LRAT: variants seen among roughly 807,000 people sequenced by gnomAD.
LRAT encodes the protein lecithin retinol acyltransferase.
LRAT carries 11 observed loss-of-function variants against 14.2 expected under a neutral mutation model. That is an observed-to-expected ratio of 0.78 (90% CI 0.49 to 1.29). The LOEUF (loss-of-function observed/expected upper bound fraction) is 1.29. Among genes scored for constraint, LRAT ranks in the 50% most tolerant of loss-of-function variants. The pLI is 0.00. For synonymous variants in LRAT, 144 were observed against 124.8 expected (o/e 1.15, Z -1.03); for missense variants, 274 against 292.4 (o/e 0.94, Z 0.46).
rs770007716 is a variant in LRAT at position 154,744,775 on chromosome 4, G to T, written c.449G>T (p.Gly150Val). The T allele has an allele frequency of 1.2e-6, 2 of 1,614,104 alleles. No individual in the cohort carries two copies. The highest frequency in any genetic ancestry group is 1.7e-6 in the Non-Finnish European group (2 of 1,180,024). Residue 150 changes from glycine to valine, a missense_variant, in exon 2 of 3, where the codon GGC becomes GTC. Gly to Val is a moderately radical substitution (Grantham distance 109). Transcript: ENST00000336356. ...GCGCGGAGGGCTGAAAAGCTGCTGG[G>T]CTTTACCCCCTACAGCCTGCTGTGG... ...EVARRAEKLL[G>V]FTPYSLLWNN...
upstream of LRAT, among the ~76,000 whole-genome samples, chr4:154,742,695 C>G (rs763620744): frequency 1.3e-5 from 2 of 152,082 alleles, no homozygotes; most frequent in African/African-American, 2.4e-5. Context: ...GCGTGCCAAG[C>G]CTGGCGCGGC....
In LRAT at chr4:154,744,067, A is replaced by G; in HGVS notation, c.-157A>G. On this transcript the variant is annotated 5_prime_UTR_variant, in exon 1 of 3. Coordinates refer to ENST00000336356, the MANE Select transcript of LRAT (RefSeq NM_004744.5). ...CGCTCCTTCTCCGGCTGCTTGTAGC[A>G]CTGGTCTCACTGTCCCCGCCGTCAG... The G allele has an allele frequency of 1.9e-6, 1 of 536,138 alleles. No individual in the cohort carries two copies. Among genetic ancestry groups the G allele is most frequent in the Non-Finnish European group, 3.4e-6 (1 of 295,620 alleles). 33.2% of individuals were successfully genotyped at this position (536,138 alleles called of 1,614,324 possible).
intron 2 of LRAT, among the ~76,000 whole-genome samples, chr4:154,746,227 T>A (rs758226425): frequency 2.0e-5 from 3 of 152,236 alleles, no homozygotes; most frequent in Non-Finnish European, 2.9e-5. Context: ...TGAGCTTTAG[T>A]GTTACTCTTC....
rs1389875054 is a variant in LRAT at position 154,749,013 on chromosome 4, T to C, written c.570T>C (p.Arg190=). 1 of 1,613,830 alleles carries C rather than the reference T, an allele frequency of 6.2e-7. No homozygotes were observed. The highest frequency in any genetic ancestry group is 1.1e-5 in the South Asian group (1 of 91,080). Residue 190 remains arginine, a synonymous_variant, in exon 3 of 3, where the codon CGT becomes CGC. Transcript: ENST00000336356. ...KFCETVKIII[R]DQRSVLASAV... ...GTGAGACTGTGAAGATAATTATTCG[T>C]GATCAGAGAAGTGTTCTTGCTTCAG... is the stretch of plus-strand genomic sequence containing the variant.
In LRAT at chr4:154,744,396, C is replaced by T. The variant is rs766802209; in HGVS notation, c.70C>T (p.Leu24Phe). The T allele has an allele frequency of 6.2e-7, 1 of 1,614,182 alleles. No individual in the cohort carries two copies. Among genetic ancestry groups the T allele is most frequent in the South Asian group, 1.1e-5 (1 of 91,088 alleles). ...GCTGCTCCTCATCTCCAACTTCACGCTCTTTAGTTCGGGCGCCGCGGGCGA... is the reference window on the plus strand; with the variant it reads ...GCTGCTCCTCATCTCCAACTTCACGTTCTTTAGTTCGGGCGCCGCGGGCGA... ...EKLLLISNFT[L>F]FSSGAAGEDK... The change falls in exon 2 of 3, where the codon CTC becomes TTC. Residue 24 changes from leucine (L) to phenylalanine (F), a missense_variant. Leu to Phe is a conservative substitution (Grantham distance 22). Transcript: ENST00000336356.
Position 154,744,725 on chromosome 4 carries a change from A to C in LRAT, c.399A>C (p.Lys133Asn). 2 of 1,614,186 alleles carry C rather than the reference A, an allele frequency of 1.2e-6. No homozygotes were observed. Among genetic ancestry groups the C allele is most frequent in the Non-Finnish European group, 1.7e-6 (2 of 1,180,034 alleles). Residue 133 changes from lysine (K) to asparagine (N), a missense_variant, in exon 2 of 3, where the codon AAA (lysine) becomes AAC (asparagine). By Grantham distance (94) the Lys-to-Asn change is moderately conservative (BLOSUM62 0). Coordinates refer to ENST00000336356, the MANE Select transcript of LRAT (RefSeq NM_004744.5). ...ATCACCTGGACGAGTCCCTCCAGAA[A>C]AAGGCACTGCTCAACGAGGAGGTGG... Reference protein sequence around the residue: ...LVNHLDESLQKKALLNEEVAR... With the variant: ...LVNHLDESLQNKALLNEEVAR...
intron 2 of LRAT, among the ~76,000 whole-genome samples, chr4:154,746,017 T>C (rs1732879244): frequency 6.6e-6 from 1 of 152,216 alleles, no homozygotes; most frequent in Admixed American, 6.5e-5. Flanking sequence ...AAAATACTCA[T>C]GATTATTAAA....
At position 154,751,761 on chromosome 4, in the gene LRAT, A is replaced by AAAAAAAAAAAAG. The variant is rs1553973380; in HGVS notation, c.*2628_*2629insAAAAAAAAGAAA. On this transcript the variant is annotated 3_prime_UTR_variant, in exon 3 of 3. Transcript: ENST00000336356. ...AAAAAAAAAAAAAAAAAAAAAAAAAAAAAGAAGAAGAAACCCTGAGCCATT... is the reference window on the plus strand; with the variant it reads ...AAAAAAAAAAAAAAAAAAAAAAAAAAAAAAAAAAAAAGAAAGAAGAAGAAACCCTGAGCCATT... 1.7e-3 allele frequency: 186 copies of AAAAAAAAAAAAG among 109,758 alleles called. 11 individuals are homozygous for AAAAAAAAAAAAG. The highest frequency in any genetic ancestry group is 3.8e-3 in the East Asian group (10 of 2,612). The allele number at this position is 109,758 out of a possible 1,614,324, so 6.8% of individuals were successfully genotyped here. A position where few individuals can be genotyped will look rare whatever the true frequency, so the allele number is the denominator to read the frequency against.
At chr4:154,745,073 C>T (rs1252054910) in intron 2 of LRAT, among the ~76,000 whole-genome samples, 2 of 125,328 alleles carry the variant, frequency 1.6e-5, no homozygotes, top group Non-Finnish European at 3.2e-5. Context: ...GGCTGGAGTG[C>T]AGTGGCGCGA....
upstream of LRAT, among the ~76,000 whole-genome samples, chr4:154,743,266 A>C (rs1000915640): frequency 6.6e-6 from 1 of 152,048 alleles, no homozygotes; most frequent in Non-Finnish European, 1.5e-5. Context: ...AGGGCGGATC[A>C]CTTGAGGTCA....
At chr4:154,748,202 A>G in intron 2 of LRAT, 1 of 984,458 alleles carries the variant, frequency 1.0e-6, no homozygotes, top group Non-Finnish European at 1.2e-6. Flanking sequence ...GTAGAAGAAT[A>G]CAGAGGACTT....
At position 154,750,248 on chromosome 4, in the gene LRAT, A is replaced by G. The variant is rs1381994346; in HGVS notation, c.*1112A>G. The G allele has an allele frequency of 6.6e-6, 1 of 152,150 alleles. No individual in the cohort carries two copies. Among genetic ancestry groups the G allele is most frequent in the African/African-American group, 2.4e-5 (1 of 41,460 alleles). 9.4% of individuals were successfully genotyped at this position (152,150 alleles called of 1,614,324 possible). ...CTTAAAAGAAGGATGCCACAGTAGT[A>G]TGTAAAACCCAAACAAGTAGAACCC... On this transcript the variant is annotated 3_prime_UTR_variant, in exon 3 of 3. Coordinates refer to ENST00000336356, the MANE Select transcript of LRAT (RefSeq NM_004744.5).
upstream of LRAT, among the ~76,000 whole-genome samples, chr4:154,742,535 GGCGT>G: frequency 6.6e-6 from 1 of 152,330 alleles, no homozygotes; most frequent in African/African-American, 2.4e-5. Context: ...AGTACCCTCA[GGCGT>G]GCGTAGAATC....
chr4:154,748,536 T>C, intron 2 of LRAT: 2 of 321,986 alleles, frequency 6.2e-6, no homozygotes, highest in Non-Finnish European at 9.1e-6. Flanking sequence ...AAAAAAGTTA[T>C]CATTGGTATC....
rs1732999117 is a variant in LRAT, at chr4:154,751,751, AAAAAAAAAAAAAAGAAGAAG to A, written c.*2619_*2638del. On this transcript the variant is annotated 3_prime_UTR_variant, in exon 3 of 3. Transcript: ENST00000336356. ...TCCATCTCAAAAAAAAAAAAAAAAA[AAAAAAAAAAAAAAGAAGAAG>A]AAACCCTGAGCCATTAATGTGTCTC... 1 of 149,958 alleles carries A rather than the reference AAAAAAAAAAAAAAGAAGAAG, an allele frequency of 6.7e-6. No individual in the cohort carries two copies. The highest frequency in any genetic ancestry group is 1.5e-5 in the Non-Finnish European group (1 of 67,638). 9.3% of individuals were successfully genotyped at this position (149,958 alleles called of 1,614,324 possible). A position where few individuals can be genotyped will look rare whatever the true frequency, so the allele number is the denominator to read the frequency against.
In LRAT at chr4:154,749,711, C is replaced by T. The variant is rs1279182001; in HGVS notation, c.*575C>T. The T allele has an allele frequency of 6.6e-6, 1 of 152,392 alleles. No individual in the cohort carries two copies. 9.4% of individuals were successfully genotyped at this position (152,392 alleles called of 1,614,324 possible). ...GTGAAACCAATATTGGCAAATAGTA[C>T]TTTAATGATGAAGTAAATGACCAGA... On this transcript the variant is annotated 3_prime_UTR_variant, in exon 3 of 3. Coordinates refer to ENST00000336356, the MANE Select transcript of LRAT (RefSeq NM_004744.5).
chr4:154,745,611 A>C (rs1578861289), intron 2 of LRAT: 1 of 152,464 alleles, frequency 6.6e-6, no homozygotes, highest in Non-Finnish European at 1.5e-5. Context: ...CAAGAATTTC[A>C]CTTGAAAGGA....
Position 154,744,403 on chromosome 4 carries a change from GTTC to G in LRAT, c.78_80del (p.Ser26_Ser27delinsArg). The G allele has an allele frequency of 6.2e-7, 1 of 1,614,114 alleles. No individual in the cohort carries two copies. The highest frequency in any genetic ancestry group is 8.5e-7 in the Non-Finnish European group (1 of 1,180,044). ...CTCATCTCCAACTTCACGCTCTTTA[GTTC>G]GGGCGCCGCGGGCGAAGACAAAGGG... On this transcript the variant is annotated inframe_deletion, in exon 2 of 3. Coordinates refer to ENST00000336356, the MANE Select transcript of LRAT (RefSeq NM_004744.5).
In LRAT at chr4:154,751,730, T is replaced by A. The variant is rs1732996909; in HGVS notation, c.*2594T>A. The A allele has an allele frequency of 2.3e-5, 1 of 44,080 alleles. No homozygotes were observed. The allele number at this position is 44,080 out of a possible 1,614,324, so 2.7% of individuals were successfully genotyped here. A position where few individuals can be genotyped will look rare whatever the true frequency, so the allele number is the denominator to read the frequency against. On this transcript the variant is annotated 3_prime_UTR_variant, in exon 3 of 3. Coordinates refer to ENST00000336356, the MANE Select transcript of LRAT (RefSeq NM_004744.5). ...GCCTGGGCAACAAAGTGAGACTCCA[T>A]CTCAAAAAAAAAAAAAAAAAAAAAA...
Sources: allele counts gnomAD v4.1 joint callset (sites outside exome capture counted in the v4.1 genomes callset), GRCh38; gene constraint gnomAD v4.1.1; transcripts MANE v1.5; gene names NCBI Gene and HGNC (gene_info 2026-07-23, HGNC 2026-07-21).